The following MAP7 variants were observed in gnomAD, a reference collection of about 807,000 sequenced individuals.
MAP7 encodes ensconsin.
A neutral mutation model predicts 94.8 loss-of-function variants in MAP7; 52 were observed. The observed-to-expected ratio is 0.55, with a 90% CI of 0.44 to 0.69. The LOEUF (loss-of-function observed/expected upper bound fraction) is 0.69, where lower values mean the gene tolerates loss of function less well. Among genes scored for constraint, MAP7 ranks in the 30% least tolerant of loss-of-function variants. The probability of loss-of-function intolerance (pLI) is 0.00; values close to 1 mark genes in which losing one functional copy is unlikely to be tolerated. For missense variants in MAP7, 940 were observed against 964.6 expected (o/e 0.97, Z 0.34); for synonymous variants, 350 against 357.0 (o/e 0.98, Z 0.22).
rs79942321 is a variant in MAP7 at position 136,498,706 on chromosome 6, C to A, written c.67+51636G>T. On this transcript the variant is annotated intron_variant, in intron 1 of 17. Transcript: ENST00000354570. ...TGTGTGAACCAAGAGATCCCACAAGCCATTCGGTCACAGGTGGCTTGGGCA... is the reference window on the plus strand; with the variant it reads ...TGTGTGAACCAAGAGATCCCACAAGACATTCGGTCACAGGTGGCTTGGGCA... Among the ~76,000 whole-genome samples, 1,892 of 152,006 alleles carry A rather than the reference C, an allele frequency of 0.012. 83 individuals carry two copies. In the East Asian group the frequency reaches 0.14, roughly 11 times the overall value.
At chr6:136,449,647 A>C (rs1396255324) in intron 1 of MAP7, among the ~76,000 whole-genome samples, 1 of 152,242 alleles carries the variant, frequency 6.6e-6, no homozygotes, top group Non-Finnish European at 1.5e-5. Context: ...GTTAGGTCAC[A>C]GTTCACTATG....
chr6:136,382,004 C>T (rs760207768), intron 6 of MAP7, among the ~76,000 whole-genome samples: 5 of 151,484 alleles, frequency 3.3e-5, no homozygotes, highest in Non-Finnish European at 5.9e-5. Flanking sequence ...TGCAGTGTGG[C>T]GGTCACACGG....
intron 1 of MAP7, among the ~76,000 whole-genome samples, chr6:136,443,854 T>C (rs1406805126): frequency 1.3e-5 from 2 of 152,182 alleles, no homozygotes; most frequent in African/African-American, 4.8e-5. Flanking sequence ...AATGAGAGAA[T>C]GCACTGCTCC....
In MAP7 at chr6:136,373,503, C is replaced by G. The variant is rs570449429; in HGVS notation, c.752-878G>C. 9.2e-5 allele frequency among the ~76,000 whole-genome samples: 14 copies of G among 152,298 alleles called. No individual in the cohort carries two copies. In the South Asian group the frequency reaches 2.7e-3, roughly 29 times the overall value. On this transcript the variant is annotated intron_variant, in intron 7 of 17. Coordinates refer to ENST00000354570, the MANE Select transcript of MAP7 (RefSeq NM_003980.6). Reference sequence around the variant, plus strand: ...AAAACTACATAGCTTCTGACCATTACCTTCCAAGGAACACTGTCATGAATC... The same window carrying G: ...AAAACTACATAGCTTCTGACCATTAGCTTCCAAGGAACACTGTCATGAATC...
In MAP7 at chr6:136,442,111, C is replaced by T. The variant is rs548312500; in HGVS notation, c.68-20312G>A. On this transcript the variant is annotated intron_variant, in intron 1 of 17. Transcript: ENST00000354570. ...GATCAAACATAAAACTTTTAAAAAG[C>T]GATACTTAAGGCTGGGCATGGTGAC... Among the ~76,000 whole-genome samples the T allele has an allele frequency of 3.3e-5, 5 of 151,890 alleles. No individual in the cohort carries two copies. In the South Asian group the frequency reaches 6.3e-4, roughly 19 times the overall value.
chr6:136,389,562 T>C (rs1196341550), intron 3 of MAP7, 45 bp from the exon 4 acceptor site: 15 of 1,575,634 alleles, frequency 9.5e-6, no homozygotes, highest in Non-Finnish European at 1.2e-5. Context: ...AAATCAAATA[T>C]AGGCAGGTTG....
At chr6:136,493,198 C>T (rs1817187687) in intron 1 of MAP7, among the ~76,000 whole-genome samples, 3 of 148,304 alleles carry the variant, frequency 2.0e-5, no homozygotes, top group South Asian at 2.1e-4. Context: ...ATCCGGCTCA[C>T]GGCAACCTCT....
chr6:136,504,072 T>C (rs1021164878), intron 1 of MAP7, among the ~76,000 whole-genome samples: 3 of 152,226 alleles, frequency 2.0e-5, no homozygotes, highest in Non-Finnish European at 4.4e-5. Context: ...GGGATGGGTA[T>C]TTTAAAACTT....
intron 1 of MAP7, among the ~76,000 whole-genome samples, chr6:136,517,896 GGT>G (rs1825328461): frequency 6.6e-6 from 1 of 152,090 alleles, no homozygotes; most frequent in Admixed American, 6.6e-5. Flanking sequence ...GGCGACAACT[GGT>G]TTGTAAGGGG....
chr6:136,538,441 G>A (rs1168830429), intron 1 of MAP7, among the ~76,000 whole-genome samples: 1 of 152,086 alleles, frequency 6.6e-6, no homozygotes, highest in African/African-American at 2.4e-5. Flanking sequence ...ATCTCTCTAT[G>A]GCTTAAAGCA....
chr6:136,444,984 T>A (rs1410803055), intron 1 of MAP7, among the ~76,000 whole-genome samples: 3 of 152,216 alleles, frequency 2.0e-5, no homozygotes, highest in African/African-American at 2.4e-5. Context: ...GACTAACTGC[T>A]CAAGCCTACA....
chr6:136,511,090 G>T lies in MAP7; in HGVS notation c.67+39252C>A, dbSNP rs184817948. On this transcript the variant is annotated intron_variant, in intron 1 of 17. Coordinates refer to ENST00000354570, the MANE Select transcript of MAP7 (RefSeq NM_003980.6). ...TAGATGTGTGTCACTGAAACTTATG[G>T]CAGTGGAGTGAGAATAATTTTGAAA... Among the ~76,000 whole-genome samples, 3 of 152,256 alleles carry T rather than the reference G, an allele frequency of 2.0e-5. No individual in the cohort carries two copies. In the East Asian group the frequency reaches 5.8e-4, roughly 29 times the overall value.
intron 1 of MAP7, among the ~76,000 whole-genome samples, chr6:136,541,617 G>A (rs1156742705): frequency 6.6e-6 from 1 of 152,158 alleles, no homozygotes; most frequent in Non-Finnish European, 1.5e-5. Flanking sequence ...GTGCTCCTCT[G>A]TGCCATCTGG....
chr6:136,370,275 G>A (rs1008537710), intron 8 of MAP7, among the ~76,000 whole-genome samples: 4 of 152,180 alleles, frequency 2.6e-5, no homozygotes, highest in African/African-American at 7.2e-5. Context: ...CACGATTGTT[G>A]GCGAGAATGT....
intron 1 of MAP7, among the ~76,000 whole-genome samples, chr6:136,431,777 C>T (rs1795012203): frequency 6.6e-6 from 1 of 152,150 alleles, no homozygotes; most frequent in Non-Finnish European, 1.5e-5. Context: ...CTCGGACTTC[C>T]AGAGTGATGG....
intron 1 of MAP7, among the ~76,000 whole-genome samples, chr6:136,455,105 G>T (rs1167052341): frequency 6.6e-6 from 1 of 151,592 alleles, no homozygotes; most frequent in African/African-American, 2.4e-5. Flanking sequence ...TGGTCAGACA[G>T]TCCCTCATCT....
rs749856885 is a variant in MAP7, at chr6:136,377,747, A to G, written c.751+8T>C. 1.1e-5 allele frequency: 18 copies of G among 1,610,068 alleles called. No homozygotes were observed. The highest frequency in any genetic ancestry group is 3.3e-5 in the Admixed American group (2 of 60,026). On this transcript the variant is annotated splice_region_variant and intron_variant, in intron 7 of 17. Transcript: ENST00000354570. ...CTCATGGGGAAAGTTCCACCTGGACAGTTTTACCTGCTTCTCCAGACAAGG... is the reference window on the plus strand; with the variant it reads ...CTCATGGGGAAAGTTCCACCTGGACGGTTTTACCTGCTTCTCCAGACAAGG...
At chr6:136,376,288 C>T (rs1350380881) in intron 7 of MAP7, among the ~76,000 whole-genome samples, 6 of 151,742 alleles carry the variant, frequency 4.0e-5, no homozygotes, top group Admixed American at 2.6e-4. Flanking sequence ...TTAGTAGAGA[C>T]GGGGTTTCAC....
intron 1 of MAP7, among the ~76,000 whole-genome samples, chr6:136,425,964 T>C (rs1224455588): frequency 6.6e-6 from 1 of 152,188 alleles, no homozygotes; most frequent in Non-Finnish European, 1.5e-5. Context: ...GTATAATGTA[T>C]CTCCTTCTAC....
Sources: allele counts gnomAD v4.1 joint callset (sites outside exome capture counted in the v4.1 genomes callset), GRCh38; gene constraint gnomAD v4.1.1; transcripts MANE v1.5; gene names NCBI Gene and HGNC (gene_info 2026-07-23, HGNC 2026-07-21).